The following CDC16 variants were observed in gnomAD, a reference collection of about 807,000 sequenced individuals.
CDC16 encodes the protein cell division cycle protein 16 homolog.
Under a neutral mutation model 87.0 loss-of-function variants are expected in CDC16, and 34 were observed. The ratio of observed to expected loss-of-function variants is 0.39; its 90% CI spans 0.30 to 0.52. The LOEUF (loss-of-function observed/expected upper bound fraction) is 0.52. Among genes scored for constraint, CDC16 ranks in the 20% least tolerant of loss-of-function variants. The pLI is 0.74. For synonymous variants in CDC16, 263 were observed against 260.6 expected, an observed-to-expected ratio of 1.01 and a Z score of -0.09; for missense variants, 653 against 751.9, an observed-to-expected ratio of 0.87 and a Z score of 1.54.
intron 12 of CDC16, among the ~76,000 whole-genome samples, chr13:114,252,628 TATG>T (rs1367353275): frequency 7.0e-6 from 1 of 141,856 alleles, no homozygotes; most frequent in African/African-American, 2.9e-5. Flanking sequence ...TATGTATCAA[TATG>T]ATAATTTGTT....
At chr13:114,267,213 C>G (rs191615927) in intron 17 of CDC16, among the ~76,000 whole-genome samples, 1 of 152,016 alleles carries the variant, frequency 6.6e-6, no homozygotes, top group Non-Finnish European at 1.5e-5. Flanking sequence ...CTAGGCCGGG[C>G]GTGGTGGCCC....
chr13:114,244,336 C>A (rs1056181788), intron 8 of CDC16, among the ~76,000 whole-genome samples: 5 of 152,160 alleles, frequency 3.3e-5, no homozygotes, highest in African/African-American at 1.2e-4. Context: ...ATATGCTGCA[C>A]GCAGTAGCTA....
chr13:114,272,004 A>G (rs1594716572), intron 17 of CDC16, among the ~76,000 whole-genome samples, 180 bp from the exon 18 acceptor site: 1 of 152,224 alleles, frequency 6.6e-6, no homozygotes, highest in East Asian at 1.9e-4. Context: ...TCTTAAAAGT[A>G]TAATTTGACT....
intron 12 of CDC16, among the ~76,000 whole-genome samples, chr13:114,254,069 C>CT (rs1018443094): frequency 1.3e-5 from 2 of 152,068 alleles, no homozygotes; most frequent in East Asian, 1.9e-4. Context: ...TCTAATAATA[C>CT]TTTTTTTTAT....
At chr13:114,238,202 C>A (rs139397323) in intron 3 of CDC16, among the ~76,000 whole-genome samples, 1 of 148,086 alleles carries the variant, frequency 6.8e-6, no homozygotes, top group Admixed American at 6.6e-5. Flanking sequence ...GTTATTCACA[C>A]TGAGGGCCTG....
chr13:114,262,070 A>G (rs1449785336), intron 15 of CDC16, 122 bp downstream of exon 15: 2 of 540,482 alleles, frequency 3.7e-6, no homozygotes, highest in African/African-American at 4.0e-5. Context: ...GGCTGCTCAG[A>G]TAAAATCAGC....
intron 11 of CDC16, among the ~76,000 whole-genome samples, chr13:114,249,639 C>A (rs760853620): frequency 1.3e-5 from 2 of 152,134 alleles, no homozygotes; most frequent in Non-Finnish European, 2.9e-5. Flanking sequence ...ATATATGAGT[C>A]CAGTCCCTGT....
intron 12 of CDC16, among the ~76,000 whole-genome samples, chr13:114,256,121 G>C (rs1409215233): frequency 3.9e-5 from 6 of 152,208 alleles, no homozygotes; most frequent in Non-Finnish European, 7.3e-5. Context: ...AGTTAAAGCA[G>C]CACAAAGTTG....
intron 12 of CDC16, among the ~76,000 whole-genome samples, chr13:114,254,316 C>G (rs1025730470): frequency 2.6e-5 from 4 of 152,080 alleles, no homozygotes; most frequent in African/African-American, 9.7e-5. Context: ...TGTATTTCTT[C>G]TTTTGTGTTG....
intron 12 of CDC16, among the ~76,000 whole-genome samples, chr13:114,255,417 CTGTATAT>C: frequency 6.6e-6 from 1 of 152,224 alleles, no homozygotes; most frequent in East Asian, 1.9e-4. Flanking sequence ...CCTTACATTT[CTGTATAT>C]GATAGGCCCA....
At chr13:114,260,122 G>A (rs147931691) in intron 14 of CDC16, among the ~76,000 whole-genome samples, 4 of 152,250 alleles carry the variant, frequency 2.6e-5, no homozygotes, top group African/African-American at 9.6e-5. Flanking sequence ...TGCTGTTACT[G>A]TTTGTGCACA....
chr13:114,248,680 CAAAA>C (rs1225064670), intron 11 of CDC16, among the ~76,000 whole-genome samples: 1 of 131,162 alleles, frequency 7.6e-6, no homozygotes. Context: ...GACTCTGTCT[CAAAA>C]AAAATAAAAG....
intron 14 of CDC16, among the ~76,000 whole-genome samples, chr13:114,259,990 T>C (rs2082740166): frequency 6.6e-6 from 1 of 152,266 alleles, no homozygotes; most frequent in Non-Finnish European, 1.5e-5. Flanking sequence ...CTGATATTAC[T>C]TAAAAGTAGT....
chr13:114,242,498 A>G, intron 6 of CDC16: 3 of 513,498 alleles, frequency 5.8e-6, no homozygotes, highest in Admixed American at 3.6e-5. Flanking sequence ...GGAAGAGGCC[A>G]TCTTTTTGAG....
chr13:114,262,284 G>C (rs9525312), intron 15 of CDC16, among the ~76,000 whole-genome samples: 24,544 of 152,174 alleles, frequency 0.16, 2,294 homozygotes, highest in Non-Finnish European at 0.2. Context: ...GTTGAAAAAT[G>C]GGTTTTTTGG....
chr13:114,235,042 C>T lies in CDC16; in HGVS notation c.-43C>T, dbSNP rs2081173096. On this transcript the variant is annotated 5_prime_UTR_variant, in exon 1 of 18. Coordinates refer to ENST00000356221, the MANE Select transcript of CDC16 (RefSeq NM_001078645.3). The stretch of plus-strand genomic sequence containing the variant: ...GGGTGCTTAGGGTGCAGGAGGCGCG[C>T]GCCTAGCGGCGGAGTGTGGCGTGAG... 2 of 1,244,226 alleles carry T rather than the reference C, an allele frequency of 1.6e-6. No homozygotes were observed. Among genetic ancestry groups the T allele is most frequent in the South Asian group, 6.8e-5 (2 of 29,332 alleles). 77.1% of individuals were successfully genotyped at this position (1,244,226 alleles called of 1,614,324 possible). A position where few individuals can be genotyped will look rare whatever the true frequency, so the allele number is the denominator to read the frequency against.
chr13:114,256,661 A>G (rs528072490), intron 12 of CDC16, among the ~76,000 whole-genome samples: 2 of 152,342 alleles, frequency 1.3e-5, no homozygotes, highest in South Asian at 2.1e-4. Context: ...TTTATGTTAG[A>G]AAAGTCAGAG....
chr13:114,268,211 C>T (rs1289767667), intron 17 of CDC16, among the ~76,000 whole-genome samples: 1 of 152,136 alleles, frequency 6.6e-6, no homozygotes, highest in East Asian at 1.9e-4. Context: ...CAAATGAAGG[C>T]TCTCTAGAGA....
chr13:114,270,016 A>T (rs899940653), intron 17 of CDC16, among the ~76,000 whole-genome samples: 1 of 152,250 alleles, frequency 6.6e-6, no homozygotes, highest in Non-Finnish European at 1.5e-5. Flanking sequence ...AATTTCACAG[A>T]TTTTTGACAA....
Sources: allele counts gnomAD v4.1 joint callset (sites outside exome capture counted in the v4.1 genomes callset), GRCh38; gene constraint gnomAD v4.1.1; transcripts MANE v1.5; gene names NCBI Gene and HGNC (gene_info 2026-07-23, HGNC 2026-07-21).